Variants in LOC128125822 observed in about 807,000 individuals in gnomAD.
the LOC128125822 span, chr6:63,582,056 C>T: frequency 6.6e-6 from 1 of 152,216 alleles, no homozygotes; most frequent in Non-Finnish European, 1.5e-5. Flanking sequence ...ACCAGTTTAA[C>T]ACTTAATATA....
the LOC128125822 span, chr6:63,581,936 T>A: frequency 6.6e-6 from 1 of 152,306 alleles, no homozygotes; most frequent in African/African-American, 2.4e-5. Flanking sequence ...AATCTAGATG[T>A]CTTTGTCTAA....
chr6:63,579,848 A>G, the LOC128125822 span, among the ~76,000 whole-genome samples: 1 of 152,142 alleles, frequency 6.6e-6, no homozygotes, highest in Non-Finnish European at 1.5e-5. Flanking sequence ...TGTAACCAAT[A>G]CTCAAACGAA....
At chr6:63,583,112 T>C in the LOC128125822 span, 3 of 152,206 alleles carry the variant, frequency 2.0e-5, no homozygotes, top group African/African-American at 7.2e-5. Context: ...CCCGTTGCCA[T>C]GATTAAGAGA....
At chr6:63,577,677 C>G in the LOC128125822 span, among the ~76,000 whole-genome samples, 1 of 152,108 alleles carries the variant, frequency 6.6e-6, no homozygotes, top group East Asian at 1.9e-4. Flanking sequence ...CTGCCTCAGC[C>G]TCCCAAGTAG....
chr6:63,576,723 G>T, the LOC128125822 span: 1 of 632,828 alleles, frequency 1.6e-6, no homozygotes, highest in African/African-American at 1.9e-5. Context: ...TTGTTAGGAG[G>T]TTCATTTCAC....
chr6:63,577,057 A>G, the LOC128125822 span: 2 of 1,248,412 alleles, frequency 1.6e-6, no homozygotes, highest in Non-Finnish European at 2.3e-6. Flanking sequence ...TAACAAAATA[A>G]AAACTACTTT....
At chr6:63,579,977 G>A in the LOC128125822 span, 1 of 1,007,132 alleles carries the variant, frequency 9.9e-7, no homozygotes, top group Non-Finnish European at 1.5e-6. Context: ...CACAAGAGAG[G>A]TGATGGTTGT....
At chr6:63,577,896 A>C in the LOC128125822 span, among the ~76,000 whole-genome samples, 1 of 149,922 alleles carries the variant, frequency 6.7e-6, no homozygotes, top group Non-Finnish European at 1.5e-5. Flanking sequence ...ATAGTATATT[A>C]TATTAGTAAT....
chr6:63,573,173 G>T, the LOC128125822 span: 1 of 154,414 alleles, frequency 6.5e-6, no homozygotes, highest in Non-Finnish European at 1.4e-5. Flanking sequence ...TTGTTCGGCC[G>T]GAGGAGAGTG....
chr6:63,579,800 C>T, the LOC128125822 span, among the ~76,000 whole-genome samples: 2 of 152,238 alleles, frequency 1.3e-5, no homozygotes, highest in Non-Finnish European at 1.5e-5. Flanking sequence ...TTTGTCTTTT[C>T]GTGGACTTAC....
the LOC128125822 span, chr6:63,573,600 TG>T: frequency 1.3e-5 from 2 of 152,176 alleles, no homozygotes; most frequent in Non-Finnish European, 2.9e-5. Flanking sequence ...CGGGCCAGAG[TG>T]GGGTTCTGCT....
the LOC128125822 span, chr6:63,581,808 T>C: frequency 1.3e-5 from 2 of 152,200 alleles, no homozygotes; most frequent in Non-Finnish European, 2.9e-5. Flanking sequence ...TGCAAATTAA[T>C]AATTACATAC....
chr6:63,582,182 C>G, the LOC128125822 span: 1 of 151,510 alleles, frequency 6.6e-6, no homozygotes, highest in Admixed American at 6.6e-5. Context: ...AATTTTTAAC[C>G]TGAGGTTTTG....
the LOC128125822 span, among the ~76,000 whole-genome samples, chr6:63,575,461 T>C: frequency 2.0e-5 from 3 of 152,214 alleles, no homozygotes; most frequent in African/African-American, 7.2e-5. Flanking sequence ...ATGTTTGATA[T>C]TGGCATAAAA....
the LOC128125822 span, among the ~76,000 whole-genome samples, chr6:63,574,445 A>C: frequency 2.6e-5 from 4 of 152,154 alleles, no homozygotes; most frequent in Admixed American, 6.5e-5. Context: ...GCGGAACAGA[A>C]ATCTATCGGT....
At chr6:63,582,324 A>G in the LOC128125822 span, 1 of 152,658 alleles carries the variant, frequency 6.6e-6, no homozygotes, top group Non-Finnish European at 1.5e-5. Context: ...ATGTGCCATC[A>G]TGATTAATGA....
At chr6:63,580,219 C>T in the LOC128125822 span, 2 of 1,428,958 alleles carry the variant, frequency 1.4e-6, no homozygotes, top group East Asian at 2.3e-5. Context: ...TGAGATAGGG[C>T]CTAATTTGTT....
chr6:63,579,212 A>T, the LOC128125822 span: 1 of 1,546,016 alleles, frequency 6.5e-7, no homozygotes, highest in Non-Finnish European at 8.8e-7. Context: ...ATTTACAAAG[A>T]TCTGATTTTG....
At chr6:63,577,049 A>G in the LOC128125822 span, 2 of 1,313,640 alleles carry the variant, frequency 1.5e-6, no homozygotes, top group East Asian at 2.4e-5. Context: ...CTTATAGCTA[A>G]CAAAATAAAA....
Sources: allele counts gnomAD v4.1 joint callset (sites outside exome capture counted in the v4.1 genomes callset), GRCh38; gene constraint gnomAD v4.1.1; transcripts MANE v1.5.